ASB13: variants seen among roughly 807,000 people sequenced by gnomAD.
The protein encoded by ASB13 is ankyrin repeat and SOCS box protein 13.
A neutral mutation model predicts 28.8 loss-of-function variants in ASB13; 33 were observed. The ratio of observed to expected loss-of-function variants is 1.15; its 90% CI spans 0.87 to 1.53. The LOEUF is 1.53. ASB13 is among the 40% of genes most tolerant of loss of function. ASB13 has a pLI of 0.00. For synonymous variants in ASB13, 182 were observed against 172.9 expected (o/e 1.05, Z -0.41); for missense variants, 414 against 390.1 (o/e 1.06, Z -0.52).
Position 5,645,668 on chromosome 10 carries a change from G to T in ASB13, c.517+3302C>A, listed in dbSNP as rs1834873937. Among the ~76,000 whole-genome samples the T allele has an allele frequency of 6.6e-6, 1 of 152,054 alleles. No homozygotes were observed. The highest frequency in any genetic ancestry group is 6.5e-5 in the Admixed American group (1 of 15,268). Reference sequence around the variant, plus strand: ...TCCCTCTCCCCTCTCCACAGTAACTGGTTCAAATGATCCAGGCTTGAGCCG... The same window carrying T: ...TCCCTCTCCCCTCTCCACAGTAACTTGTTCAAATGATCCAGGCTTGAGCCG... On this transcript the variant is annotated intron_variant, in intron 4 of 5. Transcript: ENST00000357700. This position sits in a 1 kb window ranked among gnomAD's most constrained non-coding sequence, Gnocchi z 5.4.
rs979762511 is a variant in ASB13 at position 5,646,506 on chromosome 10, C to T, written c.517+2464G>A. On this transcript the variant is annotated intron_variant, in intron 4 of 5. Coordinates refer to ENST00000357700, the MANE Select transcript of ASB13 (RefSeq NM_024701.4). Reference sequence around the variant, plus strand: ...AGCCCCGTGACCTTGCTCAGGGAGGCCGGAGGCTTAGGATGAAGCCAATAC... The same window carrying T: ...AGCCCCGTGACCTTGCTCAGGGAGGTCGGAGGCTTAGGATGAAGCCAATAC... Among the ~76,000 whole-genome samples, 102 of 152,152 alleles carry T rather than the reference C, an allele frequency of 6.7e-4. 1 individual carries two copies. The highest frequency in any genetic ancestry group is 2.4e-3 in the African/African-American group (98 of 41,442).
chr10:5,648,035 C>T lies in ASB13; in HGVS notation c.517+935G>A, dbSNP rs113478989. Among the ~76,000 whole-genome samples, 494 of 108,870 alleles carry T rather than the reference C, an allele frequency of 4.5e-3. 2 individuals are homozygous for T. Among genetic ancestry groups the T allele is most frequent in the African/African-American group, 0.013 (472 of 35,850 alleles). 71.4% of individuals were successfully genotyped at this position (108,870 alleles called of 152,430 possible). On this transcript the variant is annotated intron_variant, in intron 4 of 5. Transcript: ENST00000357700. The stretch of plus-strand genomic sequence containing the variant: ...GGCAAACACCCACTCAGGTAAACAC[C>T]TACTCAGGCAAACACCCACTCAGGT...
At position 5,641,696 on chromosome 10, in the gene ASB13, C is replaced by T; in HGVS notation, c.709+74G>A. Reference sequence around the variant, plus strand: ...AACAGCCCAGCTCTCCGCGGAAGCCCACAGGGAGCCGGCACGTCAGGGGTC... The same window carrying T: ...AACAGCCCAGCTCTCCGCGGAAGCCTACAGGGAGCCGGCACGTCAGGGGTC... On this transcript the variant is annotated intron_variant, in intron 5 of 5. Transcript: ENST00000357700. This position sits in a 1 kb window ranked among gnomAD's most constrained non-coding sequence, Gnocchi z 8.4. 1 of 1,466,880 alleles carries T rather than the reference C, an allele frequency of 6.8e-7. No homozygotes were observed. The highest frequency in any genetic ancestry group is 9.2e-7 in the Non-Finnish European group (1 of 1,088,706). 90.9% of individuals were successfully genotyped at this position (1,466,880 alleles called of 1,614,324 possible).
chr10:5,652,740 A>T lies in ASB13; in HGVS notation c.231+123T>A. ...ACTTCTCAGCCATGGGCTTCCTGGTACCTGTGTGCAGTGGACACAGTGCAG... is the reference window on the plus strand; with the variant it reads ...ACTTCTCAGCCATGGGCTTCCTGGTTCCTGTGTGCAGTGGACACAGTGCAG... On this transcript the variant is annotated intron_variant, in intron 2 of 5. Coordinates refer to ENST00000357700, the MANE Select transcript of ASB13 (RefSeq NM_024701.4). This position sits in a 1 kb window ranked among gnomAD's most constrained non-coding sequence, Gnocchi z 5.0. 1.0e-6 allele frequency: 1 copy of T among 987,384 alleles called. No homozygotes were observed. The allele number at this position is 987,384 out of a possible 1,614,324, so 61.2% of individuals were successfully genotyped here. A position where few individuals can be genotyped will look rare whatever the true frequency, so the allele number is the denominator to read the frequency against.
chr10:5,661,681 T>C lies in ASB13; in HGVS notation c.43+4828A>G, dbSNP rs1835169125. 6.6e-6 allele frequency among the ~76,000 whole-genome samples: 1 copy of C among 152,090 alleles called. No homozygotes were observed. The highest frequency in any genetic ancestry group is 2.4e-5 in the African/African-American group (1 of 41,420). On this transcript the variant is annotated intron_variant, in intron 1 of 5. Transcript: ENST00000357700. This position sits in a 1 kb window ranked among gnomAD's most constrained non-coding sequence, Gnocchi z 4.9. ...CACTGGATAATTTTTGTATTTTCTG[T>C]AGAGACAGGGTTTCACCATGTTGCC...
rs376636416 is a variant in ASB13 at position 5,655,026 on chromosome 10, C to T, written c.44-1976G>A. Among the ~76,000 whole-genome samples, 82 of 152,078 alleles carry T rather than the reference C, an allele frequency of 5.4e-4. No individual in the cohort carries two copies. The highest frequency in any genetic ancestry group is 7.8e-4 in the Non-Finnish European group (53 of 67,986). On this transcript the variant is annotated intron_variant, in intron 1 of 5. Coordinates refer to ENST00000357700, the MANE Select transcript of ASB13 (RefSeq NM_024701.4). This position sits in a 1 kb window ranked among gnomAD's most constrained non-coding sequence, Gnocchi z 6.2. ...CTGAGGCAGGAGAATCACTTGAACC[C>T]GGGAGGCGGAGGTTGCAGCGAGCCC... is the stretch of plus-strand genomic sequence containing the variant.
rs564712697 is a variant in ASB13 at position 5,659,082 on chromosome 10, C to T, written c.44-6032G>A. On this transcript the variant is annotated intron_variant, in intron 1 of 5. Transcript: ENST00000357700. This position sits in a 1 kb window ranked among gnomAD's most constrained non-coding sequence, Gnocchi z 5.8. Reference sequence around the variant, plus strand: ...GGACCTTAAATGGATGAGGAGTGAGCACAGGAAATGCTGTCTGTTAGTGAA... The same window carrying T: ...GGACCTTAAATGGATGAGGAGTGAGTACAGGAAATGCTGTCTGTTAGTGAA... Among the ~76,000 whole-genome samples, 1 of 152,178 alleles carries T rather than the reference C, an allele frequency of 6.6e-6. No homozygotes were observed. The highest frequency in any genetic ancestry group is 2.1e-4 in the South Asian group (1 of 4,832).
In ASB13 at chr10:5,646,548, G is replaced by A. The variant is rs542352140; in HGVS notation, c.517+2422C>T. On this transcript the variant is annotated intron_variant, in intron 4 of 5. Coordinates refer to ENST00000357700, the MANE Select transcript of ASB13 (RefSeq NM_024701.4). ...AGCCAATACTGAGGAAAGCAGAATCGCAACGTTCAAAGAAACTGAGGCCTG... is the reference window on the plus strand; with the variant it reads ...AGCCAATACTGAGGAAAGCAGAATCACAACGTTCAAAGAAACTGAGGCCTG... Among the ~76,000 whole-genome samples the A allele has an allele frequency of 2.6e-4, 39 of 152,278 alleles. No homozygotes were observed. The South Asian group carries it at 3.7e-3, about 15-fold the overall frequency.
chr10:5,653,705 G>A lies in ASB13; in HGVS notation c.44-655C>T, dbSNP rs535267095. ...TTATTTATTTATTTATTTATGAGAC[G>A]GAGTCTCGCTCTGTCACCCAGGCTG... On this transcript the variant is annotated intron_variant, in intron 1 of 5. Transcript: ENST00000357700. 2.7e-5 allele frequency among the ~76,000 whole-genome samples: 4 copies of A among 150,802 alleles called. No individual in the cohort carries two copies. The South Asian group carries it at 6.3e-4, about 24-fold the overall frequency.
rs1834858498 is a variant in ASB13 at position 5,644,764 on chromosome 10, G to A, written c.518-2803C>T. Among the ~76,000 whole-genome samples the A allele has an allele frequency of 6.6e-6, 1 of 151,978 alleles. No individual in the cohort carries two copies. Among genetic ancestry groups the A allele is most frequent in the Non-Finnish European group, 1.5e-5 (1 of 68,008 alleles). On this transcript the variant is annotated intron_variant, in intron 4 of 5. Transcript: ENST00000357700. This position sits in a 1 kb window ranked among gnomAD's most constrained non-coding sequence, Gnocchi z 5.1. ...ACCAGGGAGATGGAGGCTGCAGTGA[G>A]CAGAGATCACACCACTGCACTCCAG...
At position 5,651,557 on chromosome 10, in the gene ASB13, G is replaced by T; in HGVS notation, c.232-194C>A. 1 of 584,784 alleles carries T rather than the reference G, an allele frequency of 1.7e-6. No individual in the cohort carries two copies. Among genetic ancestry groups the T allele is most frequent in the Non-Finnish European group, 2.9e-6 (1 of 341,910 alleles). 36.2% of individuals were successfully genotyped at this position (584,784 alleles called of 1,614,324 possible). A position where few individuals can be genotyped will look rare whatever the true frequency, so the allele number is the denominator to read the frequency against. ...CACCGACGGCCTCCTGAGTAGAGAAGTCATCTCGTTCAGGATTCTTTTCTC... is the reference window on the plus strand; with the variant it reads ...CACCGACGGCCTCCTGAGTAGAGAATTCATCTCGTTCAGGATTCTTTTCTC... On this transcript the variant is annotated intron_variant, in intron 2 of 5. Transcript: ENST00000357700. This position sits in a 1 kb window ranked among gnomAD's most constrained non-coding sequence, Gnocchi z 5.1.
At position 5,642,416 on chromosome 10, in the gene ASB13, G is replaced by C. The variant is rs1001066786; in HGVS notation, c.518-455C>G. 1 of 919,100 alleles carries C rather than the reference G, an allele frequency of 1.1e-6. No individual in the cohort carries two copies. The highest frequency in any genetic ancestry group is 1.4e-6 in the Non-Finnish European group (1 of 717,760). The allele number at this position is 919,100 out of a possible 1,614,324, so 56.9% of individuals were successfully genotyped here. ...CTCCAGAAATACTGGTTGAATGAAAGAATAAATGTTCCTTAACAATGCATA... is the reference window on the plus strand; with the variant it reads ...CTCCAGAAATACTGGTTGAATGAAACAATAAATGTTCCTTAACAATGCATA... On this transcript the variant is annotated intron_variant, in intron 4 of 5. Transcript: ENST00000357700. The surrounding 1 kb of genome is among the most constrained non-coding windows in gnomAD (Gnocchi z 4.1).
At position 5,644,356 on chromosome 10, in the gene ASB13, C is replaced by T. The variant is rs898173915; in HGVS notation, c.518-2395G>A. Among the ~76,000 whole-genome samples, 3 of 152,070 alleles carry T rather than the reference C, an allele frequency of 2.0e-5. No homozygotes were observed. The highest frequency in any genetic ancestry group is 4.8e-5 in the African/African-American group (2 of 41,394). On this transcript the variant is annotated intron_variant, in intron 4 of 5. Coordinates refer to ENST00000357700, the MANE Select transcript of ASB13 (RefSeq NM_024701.4). This position sits in a 1 kb window ranked among gnomAD's most constrained non-coding sequence, Gnocchi z 5.1. ...AAAAATTTAAAAATTACCCGGGGGG[C>T]GTGATGGCACACATCTGTGGTCCCA...
intron 4 of ASB13, among the ~76,000 whole-genome samples, chr10:5,647,579 T>C (rs925480572): frequency 2.0e-5 from 3 of 152,192 alleles, no homozygotes; most frequent in Non-Finnish European, 4.4e-5. Flanking sequence ...CCTTCTCTCT[T>C]GGATTCAGGC....
chr10:5,641,780 C>T lies in ASB13; in HGVS notation c.699G>A (p.Glu233=). ...WSSSAPAKCF[E]YYEKTPLTLS... is the part of the protein sequence containing the mutation. ...GGTGGGGTGTCTCACTTTCGTAGTA[C>T]TCGAAGCACTTGGCGGGAGCGCTGC... Residue 233 remains glutamate (E), a synonymous_variant, in exon 5 of 6, where the codon GAG becomes GAA. Transcript: ENST00000357700. The surrounding 1 kb of genome is among the most constrained non-coding windows in gnomAD (Gnocchi z 8.4). 1 of 1,593,964 alleles carries T rather than the reference C, an allele frequency of 6.3e-7. No individual in the cohort carries two copies. Among genetic ancestry groups the T allele is most frequent in the Non-Finnish European group, 8.6e-7 (1 of 1,169,332 alleles).
At position 5,655,735 on chromosome 10, in the gene ASB13, A is replaced by T. The variant is rs1588516398; in HGVS notation, c.44-2685T>A. Among the ~76,000 whole-genome samples, 1 of 152,188 alleles carries T rather than the reference A, an allele frequency of 6.6e-6. No homozygotes were observed. ...AGAAGTGGCTTAGTGTCACTTTAAAATCAATCCGCAGGGAGCAAAATCCTA... is the reference window on the plus strand; with the variant it reads ...AGAAGTGGCTTAGTGTCACTTTAAATTCAATCCGCAGGGAGCAAAATCCTA... On this transcript the variant is annotated intron_variant, in intron 1 of 5. Coordinates refer to ENST00000357700, the MANE Select transcript of ASB13 (RefSeq NM_024701.4). This position sits in a 1 kb window ranked among gnomAD's most constrained non-coding sequence, Gnocchi z 6.2.
In ASB13 at chr10:5,653,050, C is replaced by A; in HGVS notation, c.44G>T (p.Gly15Val). The A allele has an allele frequency of 6.5e-7, 1 of 1,539,578 alleles. No homozygotes were observed. Residue 15 changes from glycine to valine, a missense_variant and splice_region_variant, in exon 2 of 6, where the codon GGT (glycine) becomes GTT (valine). By Grantham distance (109) the Gly-to-Val change is moderately radical (BLOSUM62 -3). Transcript: ENST00000357700. ...AADGCFLGDV[G>V]FWVERTPVHE... ...CACAGGGGTCCGCTCCACCCAGAAA[C>A]CTGGAAAGGAAGGGGACCTCAGGCT...
rs1471760266 is a variant in ASB13, at chr10:5,650,514, A to C, written c.382+699T>G. On this transcript the variant is annotated intron_variant, in intron 3 of 5. Coordinates refer to ENST00000357700, the MANE Select transcript of ASB13 (RefSeq NM_024701.4). This position sits in a 1 kb window ranked among gnomAD's most constrained non-coding sequence, Gnocchi z 6.0. ...CTGCACCCCAGATGTGCATCCAAAG[A>C]CAAAGGCCATGCTGGCCGGTCAAGA... Among the ~76,000 whole-genome samples the C allele has an allele frequency of 6.6e-6, 1 of 152,192 alleles. No individual in the cohort carries two copies. Among genetic ancestry groups the C allele is most frequent in the Non-Finnish European group, 1.5e-5 (1 of 68,032 alleles).
In ASB13 at chr10:5,661,766, T is replaced by TGGGATTACA. The variant is rs1835170452; in HGVS notation, c.43+4734_43+4742dup. On this transcript the variant is annotated intron_variant, in intron 1 of 5. Transcript: ENST00000357700. The surrounding 1 kb of genome is among the most constrained non-coding windows in gnomAD (Gnocchi z 4.9). ...CTCCCGCCTTGGCCTCCCTAAGTGC[T>TGGGATTACA]GGGATTACAGGCATGAGCCCCAGGC... Among the ~76,000 whole-genome samples, 1 of 152,160 alleles carries TGGGATTACA rather than the reference T, an allele frequency of 6.6e-6. No homozygotes were observed. The highest frequency in any genetic ancestry group is 2.4e-5 in the African/African-American group (1 of 41,442).
Sources: gnomAD v4.1 joint callset for allele counts (sites outside exome capture counted in the v4.1 genomes callset) on GRCh38, gnomAD v4.1.1 for gene constraint, Gnocchi (gnomAD v3.1) non-coding constraint, MANE v1.5 for transcripts, NCBI Gene and HGNC (gene_info 2026-07-23, HGNC 2026-07-21) for gene names.